RELN: variants seen among roughly 807,000 people sequenced by gnomAD.
RELN encodes the protein reelin.
A neutral mutation model predicts 427.6 loss-of-function variants in RELN; 108 were observed. The ratio of observed to expected loss-of-function variants is 0.25; its 90% CI spans 0.22 to 0.30. RELN has a LOEUF of 0.30. RELN is among the 10% of genes least tolerant of loss of function. The pLI is 1.00. For synonymous variants in RELN, 1,524 were observed against 1,513.4 expected (o/e 1.01, Z -0.16); for missense variants, 3,715 against 4,302.8 (o/e 0.86, Z 3.82).
chr7:103,764,096 G>A (rs262336), intron 4 of RELN, among the ~76,000 whole-genome samples: 5,710 of 152,006 alleles, frequency 0.038, 161 homozygotes, highest in African/African-American at 0.083. Flanking sequence ...GATTTGGGAC[G>A]GACTAAAGTT....
chr7:103,521,424 A>G (rs1829707250), intron 48 of RELN, among the ~76,000 whole-genome samples: 1 of 152,256 alleles, frequency 6.6e-6, no homozygotes, highest in Non-Finnish European at 1.5e-5. Flanking sequence ...TGTCACTCAC[A>G]AGATAATATG....
At chr7:103,887,604 A>G (rs895338903) in intron 2 of RELN, among the ~76,000 whole-genome samples, 1 of 152,200 alleles carries the variant, frequency 6.6e-6, no homozygotes, top group African/African-American at 2.4e-5. Flanking sequence ...CACTCTGGCT[A>G]TGGCAGATGG....
chr7:103,905,545 CA>C (rs1454204060), intron 2 of RELN, among the ~76,000 whole-genome samples: 3 of 152,174 alleles, frequency 2.0e-5, no homozygotes, highest in Non-Finnish European at 4.4e-5. Context: ...CCACCTGGCC[CA>C]GTCTATACCC....
chr7:103,495,783 A>T lies in RELN; in HGVS notation c.9309T>A (p.Thr3103=), dbSNP rs753680411. 1.8e-5 allele frequency: 29 copies of T among 1,613,944 alleles called. No homozygotes were observed. In the East Asian group the frequency reaches 6.2e-4, roughly 35 times the overall value. ...LYWPNKKKDK[T]HNALSSRELI... ...GTTCTCGGGAGGAGAGAGCATTGTG[A>T]GTCTTGTCCTTCTTTTTATTTGGCC... The change falls in exon 57 of 65, where the codon ACT becomes ACA. Residue 3103 remains threonine (T), a synonymous_variant. Transcript: ENST00000428762.
intron 41 of RELN, among the ~76,000 whole-genome samples, chr7:103,550,203 A>G (rs1001388514): frequency 6.6e-6 from 1 of 152,242 alleles, no homozygotes; most frequent in African/African-American, 2.4e-5. Context: ...AAAGAGATGC[A>G]GACTTTAAAA....
At chr7:103,965,756 T>C (rs565508136) in intron 1 of RELN, among the ~76,000 whole-genome samples, 112 of 152,366 alleles carry the variant, frequency 7.4e-4, no homozygotes, top group African/African-American at 2.4e-3. Flanking sequence ...CTTTGTTTCA[T>C]ACAAAAGTCT....
At chr7:103,931,709 G>T (rs768955583) in intron 1 of RELN, among the ~76,000 whole-genome samples, 82 of 152,244 alleles carry the variant, frequency 5.4e-4, no homozygotes, top group Non-Finnish European at 1.0e-3. Flanking sequence ...CTGCCATCTG[G>T]CTGGTTTAAT....
chr7:103,591,679 A>G (rs1831418948), intron 27 of RELN, among the ~76,000 whole-genome samples: 1 of 152,178 alleles, frequency 6.6e-6, no homozygotes, highest in South Asian at 2.1e-4. Context: ...GGGCACACCT[A>G]GTTAACTTTT....
At chr7:103,726,301 A>G (rs1040613727) in intron 7 of RELN, among the ~76,000 whole-genome samples, 2 of 152,194 alleles carry the variant, frequency 1.3e-5, no homozygotes, top group African/African-American at 4.8e-5. Context: ...TGTGGACATC[A>G]TCGCCATCAT....
chr7:103,772,811 A>G (rs1791602670), intron 4 of RELN, among the ~76,000 whole-genome samples: 1 of 152,204 alleles, frequency 6.6e-6, no homozygotes, highest in Non-Finnish European at 1.5e-5. Flanking sequence ...GGCAAACTGA[A>G]GCCAGATTGT....
intron 2 of RELN, among the ~76,000 whole-genome samples, chr7:103,847,633 A>G (rs28658324): frequency 0.14 from 21,419 of 152,158 alleles, 1,702 homozygotes; most frequent in East Asian, 0.29. Context: ...TGGCAGAGAG[A>G]AGAGAGGAGA....
rs1013248508 is a variant in RELN at position 103,968,319 on chromosome 7, C to T, written c.226+20812G>A. On this transcript the variant is annotated intron_variant, in intron 1 of 64. Transcript: ENST00000428762. The surrounding 1 kb of genome is among the most constrained non-coding windows in gnomAD (Gnocchi z 4.3). The stretch of plus-strand genomic sequence containing the variant: ...GTAAGAGGAATGTCTTTAAATTCTG[C>T]TTAATGTGAACTCAGAAGTAAGAGA... 6.6e-6 allele frequency among the ~76,000 whole-genome samples: 1 copy of T among 151,944 alleles called. No homozygotes were observed. The highest frequency in any genetic ancestry group is 1.5e-5 in the Non-Finnish European group (1 of 67,992).
At position 103,535,303 on chromosome 7, in the gene RELN, G is replaced by A. The variant is rs776656910; in HGVS notation, c.7349+13C>T. 6.8e-6 allele frequency: 11 copies of A among 1,613,194 alleles called. No homozygotes were observed. The Middle Eastern group carries it at 8.2e-4, about 121-fold the overall frequency. ...CGTAGAAGCATGTGGTGAACATGTA[G>A]AAGCATTCTTACCTGGTATAAGGAG... is the stretch of plus-strand genomic sequence containing the variant. On this transcript the variant is annotated intron_variant, in intron 46 of 64. Coordinates refer to ENST00000428762, the MANE Select transcript of RELN (RefSeq NM_005045.4).
At chr7:103,609,031 TG>T in intron 22 of RELN, among the ~76,000 whole-genome samples, 1 of 152,078 alleles carries the variant, frequency 6.6e-6, no homozygotes, top group African/African-American at 2.4e-5. Flanking sequence ...AAGACCAGCC[TG>T]GCCAACATGA....
intron 1 of RELN, among the ~76,000 whole-genome samples, chr7:103,981,104 G>A (rs4621738): frequency 0.7 from 106,294 of 152,076 alleles, 37,720 homozygotes; most frequent in African/African-American, 0.82. Flanking sequence ...TAAGCAAAAG[G>A]AATGACAAAC....
chr7:103,924,180 A>T (rs1280864893), intron 1 of RELN, among the ~76,000 whole-genome samples: 1 of 152,128 alleles, frequency 6.6e-6, no homozygotes, highest in Non-Finnish European at 1.5e-5. Context: ...CCCTGGGTAC[A>T]TGGGTATAGT....
At position 103,553,670 on chromosome 7, in the gene RELN, T is replaced by G. The variant is rs752654221; in HGVS notation, c.5959A>C (p.Lys1987Gln). The G allele has an allele frequency of 1.4e-5, 22 of 1,613,956 alleles. No homozygotes were observed. Among genetic ancestry groups the G allele is most frequent in the Non-Finnish European group, 1.7e-6 (2 of 1,179,992 alleles). Residue 1987 changes from lysine (K) to glutamine (Q), a missense_variant, in exon 39 of 65, where the codon AAG becomes CAG. Physicochemically the swap from Lys to Gln is moderately conservative, Grantham distance 53. Around this residue, in one of 4 missense-constraint regions of RELN, gnomAD observed 1,310 missense variants for 1,643.0 expected, o/e 0.80. Coordinates refer to ENST00000428762, the MANE Select transcript of RELN (RefSeq NM_005045.4). ...NIGLYCPYSS[K>Q]GAPEEDSAMV... ...ATTCTTAATACTTACGGTGCCCCCT[T>G]TGAAGAATATGGACAATAAAGACCG... is the stretch of plus-strand genomic sequence containing the variant.
At position 103,490,770 on chromosome 7, in the gene RELN, C is replaced by T; in HGVS notation, c.9503G>A (p.Gly3168Asp). The T allele has an allele frequency of 6.2e-7, 1 of 1,614,148 alleles. No homozygotes were observed. Among genetic ancestry groups the T allele is most frequent in the South Asian group, 1.1e-5 (1 of 91,080 alleles). ...QCLPSSSNSI[G>D]CSPFQFHEAT... ...TTCATGGAACTGGAAAGGGGAGCAG[C>T]CAATGCTGTTAGAAGAGGAAGGAAG... Residue 3168 changes from glycine (G) to aspartate (D), a missense_variant, in exon 59 of 65, where the codon GGC (glycine) becomes GAC (aspartate). This residue lies in a region of RELN where 1,310 missense variants were observed against 1,643.0 expected (regional missense o/e 0.80). Transcript: ENST00000428762.
chr7:103,500,364 A>C (rs534482373), intron 53 of RELN, among the ~76,000 whole-genome samples: 10 of 152,252 alleles, frequency 6.6e-5, no homozygotes, highest in African/African-American at 2.4e-4. Flanking sequence ...GATAATGTAT[A>C]TTATTTGCTT....
Sources: gnomAD v4.1 joint callset for allele counts (sites outside exome capture counted in the v4.1 genomes callset) on GRCh38, gnomAD v4.1.1 for gene constraint, gnomAD v4.1.1 regional missense constraint, Gnocchi (gnomAD v3.1) non-coding constraint, MANE v1.5 for transcripts, NCBI Gene and HGNC (gene_info 2026-07-23, HGNC 2026-07-21) for gene names.